The following AOPEP variants were observed in gnomAD, a reference collection of about 807,000 sequenced individuals.
AOPEP encodes aminopeptidase O (putative), also known as aminopeptidase O.
In AOPEP, 77 loss-of-function variants were observed where a neutral mutation model predicts 98.1. The ratio of observed to expected loss-of-function variants is 0.78; its 90% confidence interval spans 0.65 to 0.95. AOPEP has a LOEUF of 0.95. Ranked by LOEUF, AOPEP falls within the 40% of genes least tolerant of loss-of-function variation. The pLI, the probability that AOPEP is intolerant of heterozygous loss-of-function variation, is 0.00. For missense variants in AOPEP, 1,024 were observed against 1,024.7 expected, an observed-to-expected ratio of 1.00 and a Z score of 0.01; for synonymous variants, 346 against 365.3, an observed-to-expected ratio of 0.95 and a Z score of 0.60.
chr9:95,108,710 A>T, the AOPEP span, among the ~76,000 whole-genome samples: 1 of 152,236 alleles, frequency 6.6e-6, no homozygotes, highest in Non-Finnish European at 1.5e-5. Context: ...GAAAAAGAAG[A>T]ACCATTAAAA....
intron 9 of AOPEP, among the ~76,000 whole-genome samples, chr9:94,956,481 G>C (rs545152577): frequency 1.3e-5 from 2 of 152,062 alleles, no homozygotes; most frequent in East Asian, 3.9e-4. Flanking sequence ...GTTTCTTTTC[G>C]CTGTCCTCCA....
intron 1 of AOPEP, among the ~76,000 whole-genome samples, chr9:94,730,794 C>T (rs1463814168): frequency 6.6e-6 from 1 of 152,160 alleles, no homozygotes; most frequent in East Asian, 1.9e-4. Flanking sequence ...GTGTAGTCAT[C>T]ATCACAGTGG....
At chr9:94,772,915 A>G (rs945999603) in intron 2 of AOPEP, 87 bp from the exon 3 acceptor site, 7 of 1,293,826 alleles carry the variant, frequency 5.4e-6, no homozygotes, top group African/African-American at 2.9e-5. Flanking sequence ...TGAAAGCTCA[A>G]CTTAACCTGC....
intron 5 of AOPEP, among the ~76,000 whole-genome samples, chr9:94,847,187 GTC>G (rs147535375): frequency 2.2e-5 from 3 of 135,088 alleles, no homozygotes; most frequent in Admixed American, 7.5e-5. Flanking sequence ...CTCTGTCTCT[GTC>G]TCTCTCTCTC....
chr9:95,035,452 GTATTAGTGATTTGCTGTT>G (rs1457865771), intron 13 of AOPEP, among the ~76,000 whole-genome samples: 1 of 145,948 alleles, frequency 6.9e-6, no homozygotes, highest in Admixed American at 6.8e-5. Flanking sequence ...AATTTCCTTT[GTATTAGTGATTTGCTGTT>G]TTTTAAAATA....
intron 10 of AOPEP, among the ~76,000 whole-genome samples, chr9:94,976,636 C>T (rs1337757446): frequency 6.6e-6 from 1 of 150,566 alleles, no homozygotes; most frequent in Non-Finnish European, 1.5e-5. Context: ...GACTTGTTTT[C>T]AGTTCAGAAG....
At chr9:95,126,709 G>A in the AOPEP span, 1 of 932,256 alleles carries the variant, frequency 1.1e-6, no homozygotes, top group South Asian at 1.4e-5. Context: ...CTTTTGGTTA[G>A]AAGAACGAAC....
At chr9:94,885,828 A>G (rs2048175442) in intron 5 of AOPEP, among the ~76,000 whole-genome samples, 1 of 152,198 alleles carries the variant, frequency 6.6e-6, no homozygotes, top group Non-Finnish European at 1.5e-5. Flanking sequence ...TCTGATTTAC[A>G]AAAGCTTTCT....
intron 7 of AOPEP, among the ~76,000 whole-genome samples, chr9:94,940,403 C>T (rs938567496): frequency 3.3e-5 from 5 of 152,020 alleles, no homozygotes; most frequent in African/African-American, 9.7e-5. Flanking sequence ...GTCAGGAGTT[C>T]GAGATCAGCC....
At chr9:94,927,535 C>T (rs907533624) in intron 6 of AOPEP, among the ~76,000 whole-genome samples, 4 of 152,168 alleles carry the variant, frequency 2.6e-5, no homozygotes, top group Admixed American at 6.5e-5. Flanking sequence ...CCCTCCTCCC[C>T]GGCCGACTCC....
chr9:94,906,365 C>G (rs1339872586), intron 5 of AOPEP, among the ~76,000 whole-genome samples: 1 of 151,568 alleles, frequency 6.6e-6, no homozygotes, highest in Admixed American at 6.6e-5. Context: ...ACTCAGGAGG[C>G]TGACGCGGGA....
intron 9 of AOPEP, among the ~76,000 whole-genome samples, chr9:94,960,412 G>GAA (rs771958751): frequency 7.5e-6 from 1 of 132,516 alleles, no homozygotes. Flanking sequence ...CCATCTCAGG[G>GAA]AAAAAAAAAA....
chr9:95,086,956 G>A lies in AOPEP; in HGVS notation c.*279G>A, dbSNP rs1206296633. On this transcript the variant is annotated 3_prime_UTR_variant, in exon 17 of 17. Coordinates refer to ENST00000375315, the MANE Select transcript of AOPEP (RefSeq NM_001193329.3). Reference sequence around the variant, plus strand: ...CTGAGATTTTGAGTTCTTCTGCAGAGATGATTAAATATATCCAAGAGACAT... The same window carrying A: ...CTGAGATTTTGAGTTCTTCTGCAGAAATGATTAAATATATCCAAGAGACAT... The A allele has an allele frequency of 1.0e-6, 1 of 987,500 alleles. No homozygotes were observed. Among genetic ancestry groups the A allele is most frequent in the African/African-American group, 1.7e-5 (1 of 57,292 alleles). 61.2% of individuals were successfully genotyped at this position (987,500 alleles called of 1,614,324 possible).
chr9:95,039,163 A>AT (rs1293661418), intron 13 of AOPEP, among the ~76,000 whole-genome samples: 8 of 152,210 alleles, frequency 5.3e-5, no homozygotes, highest in African/African-American at 1.9e-4. Flanking sequence ...GGATCGGCCC[A>AT]TGCTGTTGGA....
At chr9:95,045,073 AC>A (rs1222867573) in intron 13 of AOPEP, among the ~76,000 whole-genome samples, 2 of 152,142 alleles carry the variant, frequency 1.3e-5, no homozygotes, top group Non-Finnish European at 2.9e-5. Context: ...GTTTCCTGAC[AC>A]CCTGGAGAGT....
intron 7 of AOPEP, among the ~76,000 whole-genome samples, chr9:94,953,017 C>T (rs1003707696): frequency 1.3e-5 from 2 of 152,206 alleles, no homozygotes; most frequent in Non-Finnish European, 2.9e-5. Flanking sequence ...CTTCTGTGTT[C>T]CTCCCCTTCG....
intron 5 of AOPEP, among the ~76,000 whole-genome samples, chr9:94,889,042 T>G (rs576580134): frequency 7.2e-4 from 110 of 152,154 alleles, no homozygotes; most frequent in African/African-American, 2.6e-3. Context: ...TCTGTTCTCC[T>G]TTTTGCAGTG....
chr9:94,876,587 G>A (rs868159434), intron 5 of AOPEP, among the ~76,000 whole-genome samples: 2 of 152,054 alleles, frequency 1.3e-5, no homozygotes, highest in African/African-American at 4.8e-5. Flanking sequence ...GGTTGGTCTC[G>A]ATCTCCTGAC....
chr9:95,002,350 C>A (rs1307265803), intron 11 of AOPEP, among the ~76,000 whole-genome samples: 2 of 152,044 alleles, frequency 1.3e-5, no homozygotes, highest in African/African-American at 2.4e-5. Context: ...AAATCAAGAA[C>A]AAAAGATACG....
Sources: allele counts gnomAD v4.1 joint callset (sites outside exome capture counted in the v4.1 genomes callset), GRCh38; gene constraint gnomAD v4.1.1; transcripts MANE v1.5; gene names NCBI Gene and HGNC (gene_info 2026-07-23, HGNC 2026-07-21).